The following CBLB variants were observed in gnomAD, a reference collection of about 807,000 sequenced individuals.
CBLB encodes Cbl proto-oncogene B, also known as E3 ubiquitin-protein ligase CBL-B.
A neutral mutation model predicts 104.9 loss-of-function variants in CBLB; 31 were observed. The observed-to-expected ratio is 0.30, with a 90% CI of 0.22 to 0.40. The LOEUF (loss-of-function observed/expected upper bound fraction) is 0.40. Among genes scored for constraint, CBLB ranks in the 10% least tolerant of loss-of-function variants. The probability of loss-of-function intolerance (pLI) is 1.00; values close to 1 mark genes in which losing one functional copy is unlikely to be tolerated. For missense variants in CBLB, 1,062 were observed against 1,214.6 expected (o/e 0.87, Z 1.87); for synonymous variants, 440 against 422.6 (o/e 1.04, Z -0.51).
chr3:105,704,208 T>G, intron 10 of CBLB, 35 bp from the exon 11 acceptor site: 1 of 1,588,296 alleles, frequency 6.3e-7, no homozygotes, highest in South Asian at 1.1e-5. Context: ...CCGCTGTTTA[T>G]TAGCTGTGCA....
In CBLB at chr3:105,864,109, C is replaced by T. The variant is rs528317944; in HGVS notation, c.168+3301G>A. On this transcript the variant is annotated intron_variant, in intron 2 of 18. Transcript: ENST00000394030. ...CCTAAAAGGCAATGGCCAGCAGAAT[C>T]CAGACAGAAAACTGTCTCAACACTG... Among the ~76,000 whole-genome samples the T allele has an allele frequency of 1.9e-4, 29 of 152,286 alleles. No homozygotes were observed. In the Middle Eastern group the frequency reaches 0.014, roughly 71 times the overall value.
chr3:105,702,328 G>C lies in CBLB; in HGVS notation c.1725C>G (p.Ile575Met), dbSNP rs202207806. ...TGGAAGGCACGCTTTCCACATGATG[G>C]ATGTGTCTACTCAGTCTATTGTCTG... ...IPPDNRLSRH[I>M]HHVESVPSRD... The change falls in exon 12 of 19, where the codon ATC becomes ATG. Residue 575 changes from isoleucine (I) to methionine (M), a missense_variant. By Grantham distance (10) the Ile-to-Met change is conservative (BLOSUM62 1). Coordinates refer to ENST00000394030, the MANE Select transcript of CBLB (RefSeq NM_170662.5). 1.9e-6 allele frequency: 3 copies of C among 1,613,884 alleles called. No individual in the cohort carries two copies. Among genetic ancestry groups the C allele is most frequent in the Non-Finnish European group, 2.5e-6 (3 of 1,180,014 alleles).
chr3:105,725,376 A>C (rs2073459311), intron 9 of CBLB, among the ~76,000 whole-genome samples: 1 of 152,198 alleles, frequency 6.6e-6, no homozygotes, highest in Admixed American at 6.5e-5. Context: ...AAATGGTGTC[A>C]ACTTTAAAAA....
In CBLB at chr3:105,815,317, G is replaced by C. The variant is rs772983091; in HGVS notation, c.419+38097C>G. Among the ~76,000 whole-genome samples the C allele has an allele frequency of 7.6e-4, 115 of 152,136 alleles. 1 individual carries two copies. Among genetic ancestry groups the C allele is most frequent in the Non-Finnish European group, 2.6e-4 (18 of 68,000 alleles). ...TTTAGAATGTAGTAGTGAAAGGAAA[G>C]ACAAAAGCATCCGTTCTGTTCAAAG... On this transcript the variant is annotated intron_variant, in intron 3 of 18. Coordinates refer to ENST00000394030, the MANE Select transcript of CBLB (RefSeq NM_170662.5).
chr3:105,744,365 T>G (rs986808955), intron 6 of CBLB, among the ~76,000 whole-genome samples: 1 of 152,134 alleles, frequency 6.6e-6, no homozygotes, highest in African/African-American at 2.4e-5. Context: ...GTAAAAACTA[T>G]GGAAAAATCT....
At chr3:105,788,138 A>C (rs2081234814) in intron 3 of CBLB, among the ~76,000 whole-genome samples, 1 of 152,158 alleles carries the variant, frequency 6.6e-6, no homozygotes, top group Non-Finnish European at 1.5e-5. Context: ...ACAACTCAGA[A>C]ATTTCCAAAT....
chr3:105,867,370 T>A, intron 2 of CBLB, 40 bp downstream of exon 2: 1 of 1,573,976 alleles, frequency 6.4e-7, no homozygotes, highest in South Asian at 1.1e-5. Flanking sequence ...ACAGACAAAG[T>A]GAATAGTGTT....
chr3:105,703,911 T>C (rs1458514473), intron 11 of CBLB, 77 bp downstream of exon 11: 40 of 1,361,200 alleles, frequency 2.9e-5, no homozygotes, highest in Non-Finnish European at 4.1e-5. Context: ...ATATGAGTAA[T>C]GGAATTTAAA....
intron 18 of CBLB, among the ~76,000 whole-genome samples, chr3:105,660,350 G>A (rs2063668285): frequency 6.6e-6 from 1 of 151,546 alleles, no homozygotes; most frequent in Non-Finnish European, 1.5e-5. Flanking sequence ...ACCATGCCTG[G>A]CTAATTTTTT....
chr3:105,717,664 T>C (rs1392207225), intron 10 of CBLB, among the ~76,000 whole-genome samples: 2 of 152,192 alleles, frequency 1.3e-5, no homozygotes, highest in East Asian at 3.9e-4. Context: ...AGACTAGTCA[T>C]GTGATTTGTT....
At chr3:105,826,235 C>T (rs2086563243) in intron 3 of CBLB, among the ~76,000 whole-genome samples, 2 of 152,032 alleles carry the variant, frequency 1.3e-5, no homozygotes, top group African/African-American at 2.4e-5. Flanking sequence ...ATCAGAGAAA[C>T]GAACATACAA....
rs529356328 is a variant in CBLB at position 105,701,337 on chromosome 3, T to C, written c.1959+757A>G. ...ACTTGGTTTAGTGTTTTTAAGTATATAGGAGGTTCATTTTACCTGGCTGCC... is the reference window on the plus strand; with the variant it reads ...ACTTGGTTTAGTGTTTTTAAGTATACAGGAGGTTCATTTTACCTGGCTGCC... On this transcript the variant is annotated intron_variant, in intron 12 of 18. Coordinates refer to ENST00000394030, the MANE Select transcript of CBLB (RefSeq NM_170662.5). Among the ~76,000 whole-genome samples the C allele has an allele frequency of 1.4e-4, 21 of 152,310 alleles. No homozygotes were observed. The South Asian group carries it at 2.3e-3, about 17-fold the overall frequency.
Position 105,855,716 on chromosome 3 carries a change from G to T in CBLB, c.169-2052C>A, listed in dbSNP as rs868164612. Reference sequence around the variant, plus strand: ...ACGGAAGATAATCAAAGTATAAAATGTACAGAGCCAAAAACTAGTCTAGAT... The same window carrying T: ...ACGGAAGATAATCAAAGTATAAAATTTACAGAGCCAAAAACTAGTCTAGAT... On this transcript the variant is annotated intron_variant, in intron 2 of 18. Coordinates refer to ENST00000394030, the MANE Select transcript of CBLB (RefSeq NM_170662.5). 1.1e-4 allele frequency among the ~76,000 whole-genome samples: 16 copies of T among 152,224 alleles called. 1 individual carries two copies. In the Middle Eastern group the frequency reaches 0.027, roughly 259 times the overall value.
intron 4 of CBLB, among the ~76,000 whole-genome samples, chr3:105,762,835 A>G (rs1458195656): frequency 1.3e-5 from 2 of 152,224 alleles, no homozygotes; most frequent in East Asian, 1.9e-4. Flanking sequence ...ACCGTCCTCC[A>G]GACCCCAGAA....
At chr3:105,819,995 T>C (rs1418703249) in intron 3 of CBLB, among the ~76,000 whole-genome samples, 1 of 152,112 alleles carries the variant, frequency 6.6e-6, no homozygotes, top group Non-Finnish European at 1.5e-5. Flanking sequence ...TCTATTATTA[T>C]TACATTGTAA....
chr3:105,694,755 G>A (rs2152760204), intron 12 of CBLB, among the ~76,000 whole-genome samples: 1 of 151,796 alleles, frequency 6.6e-6, no homozygotes, highest in Admixed American at 6.6e-5. Context: ...TTATGCTTTA[G>A]TACCAATTTC....
At chr3:105,795,895 C>G (rs942068664) in intron 3 of CBLB, among the ~76,000 whole-genome samples, 1 of 151,956 alleles carries the variant, frequency 6.6e-6, no homozygotes, top group Non-Finnish European at 1.5e-5. Context: ...AGGTGCCCAC[C>G]AACATGCCTG....
At chr3:105,751,382 G>T in intron 5 of CBLB, 80 bp downstream of exon 5, 1 of 963,128 alleles carries the variant, frequency 1.0e-6, no homozygotes, top group Non-Finnish European at 1.7e-6. Context: ...GTGAGAGAGA[G>T]ACAGAGAGAG....
chr3:105,823,081 A>G (rs1000953596), intron 3 of CBLB, among the ~76,000 whole-genome samples: 8 of 152,138 alleles, frequency 5.3e-5, no homozygotes, highest in African/African-American at 1.7e-4. Context: ...CTTGAATTTG[A>G]TAAGTTAAAT....
Sources: gnomAD v4.1 joint callset for allele counts (sites outside exome capture counted in the v4.1 genomes callset) on GRCh38, gnomAD v4.1.1 for gene constraint, MANE v1.5 for transcripts, NCBI Gene and HGNC (gene_info 2026-07-23, HGNC 2026-07-21) for gene names.